The following EGFLAM variants were observed in gnomAD, a reference collection of about 807,000 sequenced individuals.
EGFLAM encodes pikachurin.
EGFLAM carries 79 observed loss-of-function variants against 113.1 expected under a neutral mutation model. That is an observed-to-expected ratio of 0.70 (90% CI 0.58 to 0.84). EGFLAM has a LOEUF of 0.84. Ranked by LOEUF, EGFLAM falls within the 40% of genes least tolerant of loss-of-function variation. The pLI is 0.00. For synonymous variants in EGFLAM, 504 were observed against 487.6 expected (o/e 1.03, Z -0.44); for missense variants, 1,265 against 1,291.6 (o/e 0.98, Z 0.32).
chr5:38,279,990 T>G (rs1392779042), intron 1 of EGFLAM, among the ~76,000 whole-genome samples: 1 of 152,162 alleles, frequency 6.6e-6, no homozygotes, highest in Non-Finnish European at 1.5e-5. Context: ...ACACACAATT[T>G]GATCTTTCAA....
In EGFLAM at chr5:38,411,957, G is replaced by A. The variant is rs188029863; in HGVS notation, c.1350-547G>A. Among the ~76,000 whole-genome samples, 697 of 152,118 alleles carry A rather than the reference G, an allele frequency of 4.6e-3. 5 individuals are homozygous for A. The highest frequency in any genetic ancestry group is 7.2e-3 in the Admixed American group (110 of 15,282). On this transcript the variant is annotated intron_variant, in intron 10 of 21. Transcript: ENST00000322350. ...TGTGACTATAGGCACCCACCACCAT[G>A]TGCAGCTAATCTTTGTGTTTTTAGT... is the stretch of plus-strand genomic sequence containing the variant.
intron 1 of EGFLAM, among the ~76,000 whole-genome samples, chr5:38,296,731 G>A (rs191030314): frequency 4.6e-5 from 7 of 151,278 alleles, no homozygotes; most frequent in African/African-American, 1.7e-4. Context: ...ACATACATAT[G>A]TATGTAATTT....
chr5:38,431,322 G>C (rs199977685), intron 15 of EGFLAM, 34 bp downstream of exon 15: 2 of 1,598,052 alleles, frequency 1.3e-6, no homozygotes, highest in East Asian at 2.2e-5. Flanking sequence ...TTGATGGTTA[G>C]TGTGAGCCAG....
chr5:38,350,482 C>T lies in EGFLAM; in HGVS notation c.292-19C>T. 1.2e-6 allele frequency: 2 copies of T among 1,609,678 alleles called. No homozygotes were observed. The highest frequency in any genetic ancestry group is 1.7e-6 in the Non-Finnish European group (2 of 1,176,612). ...AGATGTACTGATTGTTAGCATCTTT[C>T]TTGTTTGGTCATTGACAGGAGGAAG... On this transcript the variant is annotated intron_variant, in intron 3 of 21. Transcript: ENST00000322350.
intron 9 of EGFLAM, among the ~76,000 whole-genome samples, chr5:38,408,672 A>T (rs577100747): frequency 1.3e-5 from 2 of 152,222 alleles, no homozygotes; most frequent in Non-Finnish European, 2.9e-5. Flanking sequence ...GTACACCAGC[A>T]ATGTCCTCAC....
intron 1 of EGFLAM, among the ~76,000 whole-genome samples, chr5:38,303,260 C>T (rs961326380): frequency 4.6e-5 from 7 of 152,160 alleles, no homozygotes; most frequent in African/African-American, 1.7e-4. Context: ...GCTGAGCAGT[C>T]GCCTGAAGAA....
chr5:38,306,254 G>A (rs987237655), intron 1 of EGFLAM, among the ~76,000 whole-genome samples: 3 of 152,080 alleles, frequency 2.0e-5, no homozygotes, highest in African/African-American at 7.2e-5. Context: ...TTTTTAAAAA[G>A]AGAGAGCATC....
chr5:38,312,398 C>T (rs1274811552), intron 1 of EGFLAM, among the ~76,000 whole-genome samples: 2 of 152,012 alleles, frequency 1.3e-5, no homozygotes, highest in East Asian at 3.9e-4. Context: ...CCTGCCACCT[C>T]GCCTGGCTAA....
chr5:38,417,224 T>A (rs370921779), intron 11 of EGFLAM, among the ~76,000 whole-genome samples: 7 of 151,844 alleles, frequency 4.6e-5, no homozygotes, highest in African/African-American at 1.7e-4. Flanking sequence ...GACACATGCC[T>A]GTAATCCCAG....
At chr5:38,303,369 G>A (rs1348250225) in intron 1 of EGFLAM, among the ~76,000 whole-genome samples, 2 of 152,180 alleles carry the variant, frequency 1.3e-5, no homozygotes, top group African/African-American at 4.8e-5. Context: ...ATTTACGACT[G>A]GAAGATAAAT....
At chr5:38,389,592 T>C (rs1189025910) in intron 6 of EGFLAM, among the ~76,000 whole-genome samples, 2 of 152,170 alleles carry the variant, frequency 1.3e-5, no homozygotes, top group Non-Finnish European at 2.9e-5. Flanking sequence ...TAGGGGTAGG[T>C]CTCTAAGCTG....
In EGFLAM at chr5:38,293,981, A is replaced by C. The variant is rs534491457; in HGVS notation, c.97+35130A>C. Among the ~76,000 whole-genome samples, 11 of 152,222 alleles carry C rather than the reference A, an allele frequency of 7.2e-5. No individual in the cohort carries two copies. In the East Asian group the frequency reaches 2.1e-3, roughly 29 times the overall value. On this transcript the variant is annotated intron_variant, in intron 1 of 21. Coordinates refer to ENST00000322350, the MANE Select transcript of EGFLAM (RefSeq NM_152403.4). ...CTATATTACTGTTTCTTTCTTTTTA[A>C]AATTACTCTACTAACCAGCTATTGC...
chr5:38,440,270 G>A (rs1279586502), intron 17 of EGFLAM, among the ~76,000 whole-genome samples: 1 of 152,188 alleles, frequency 6.6e-6, no homozygotes. Context: ...ATCAGATTGT[G>A]TTTTGAAATC....
At chr5:38,275,561 A>C (rs996957324) in intron 1 of EGFLAM, among the ~76,000 whole-genome samples, 1 of 152,234 alleles carries the variant, frequency 6.6e-6, no homozygotes, top group African/African-American at 2.4e-5. Flanking sequence ...AGAGTACATA[A>C]ATATAGAAAG....
At chr5:38,260,179 C>T (rs1225411723) in intron 1 of EGFLAM, among the ~76,000 whole-genome samples, 1 of 152,198 alleles carries the variant, frequency 6.6e-6, no homozygotes, top group African/African-American at 2.4e-5. Flanking sequence ...CATACATATA[C>T]CTTCAAGGAT....
At chr5:38,424,631 G>A (rs1249659329) in intron 12 of EGFLAM, among the ~76,000 whole-genome samples, 1 of 152,194 alleles carries the variant, frequency 6.6e-6, no homozygotes, top group Non-Finnish European at 1.5e-5. Flanking sequence ...GCTCTGTTGG[G>A]AGCAAGAGAG....
At chr5:38,345,020 A>T (rs1379800484) in intron 3 of EGFLAM, among the ~76,000 whole-genome samples, 1 of 152,196 alleles carries the variant, frequency 6.6e-6, no homozygotes, top group East Asian at 1.9e-4. Flanking sequence ...CAGGTGACAG[A>T]CTGTGAATGG....
At position 38,340,371 on chromosome 5, in the gene EGFLAM, A is replaced by G. The variant is rs78518290; in HGVS notation, c.291+1590A>G. 1.3e-3 allele frequency among the ~76,000 whole-genome samples: 196 copies of G among 152,286 alleles called. 1 individual carries two copies. The highest frequency in any genetic ancestry group is 0.01 in the Middle Eastern group (3 of 294). On this transcript the variant is annotated intron_variant, in intron 3 of 21. Coordinates refer to ENST00000322350, the MANE Select transcript of EGFLAM (RefSeq NM_152403.4). ...ATGTGGATGGTAGTTATCATTCCCA[A>G]TGATTTATTTGTTAAATATATTCTC...
chr5:38,448,163 C>A, intron 17 of EGFLAM, 138 bp from the exon 18 acceptor site: 2 of 909,124 alleles, frequency 2.2e-6, no homozygotes, highest in Non-Finnish European at 1.7e-6. Flanking sequence ...GCCAAATATG[C>A]GTGCAGCCGA....
Sources: gnomAD v4.1 joint callset for allele counts (sites outside exome capture counted in the v4.1 genomes callset) on GRCh38, gnomAD v4.1.1 for gene constraint, MANE v1.5 for transcripts, NCBI Gene and HGNC (gene_info 2026-07-23, HGNC 2026-07-21) for gene names.